PCDHA4: variants seen among roughly 807,000 people sequenced by gnomAD.
PCDHA4 encodes protocadherin alpha 4, also known as protocadherin alpha-4.
Under a neutral mutation model 61.4 loss-of-function variants are expected in PCDHA4, and 49 were observed. That is an observed-to-expected ratio of 0.80 (90% CI 0.63 to 1.01). The LOEUF is 1.01. Ranked by LOEUF, PCDHA4 falls within the 50% of genes least tolerant of loss-of-function variation. PCDHA4 has a pLI of 0.00. For missense variants in PCDHA4, 1,254 were observed against 1,235.8 expected (o/e 1.01, Z -0.22); for synonymous variants, 590 against 550.3 (o/e 1.07, Z -1.01).
intron 1 of PCDHA4, among the ~76,000 whole-genome samples, chr5:140,895,788 G>A (rs947578940): frequency 3.9e-5 from 6 of 152,014 alleles, no homozygotes; most frequent in East Asian, 1.9e-4. Context: ...ATTCAATGAC[G>A]TATATGTACA....
At chr5:140,944,642 T>C (rs535941591) in intron 1 of PCDHA4, among the ~76,000 whole-genome samples, 35 of 152,342 alleles carry the variant, frequency 2.3e-4, no homozygotes, top group African/African-American at 7.9e-4. Context: ...CCAGTGTGGA[T>C]TGGGAGTCCA....
intron 3 of PCDHA4, among the ~76,000 whole-genome samples, chr5:140,985,288 A>G (rs1007960248): frequency 1.3e-5 from 2 of 152,112 alleles, no homozygotes; most frequent in African/African-American, 4.8e-5. Flanking sequence ...AATCTATGAT[A>G]TAGTGTTGGC....
chr5:140,992,798 CAT>C (rs1554253202), intron 3 of PCDHA4, among the ~76,000 whole-genome samples: 1 of 152,076 alleles, frequency 6.6e-6, no homozygotes, highest in African/African-American at 2.4e-5. Context: ...TTTATGGATC[CAT>C]ATGTATCTAA....
At position 140,927,553 on chromosome 5, in the gene PCDHA4, A is replaced by G. The variant is rs782577411; in HGVS notation, c.2386-51396A>G. 1.3e-5 allele frequency: 21 copies of G among 1,614,030 alleles called. No homozygotes were observed. The highest frequency in any genetic ancestry group is 9.3e-5 in the African/African-American group (7 of 74,932). ...CCGCTCAGGAGACGCACAAGTCACC[A>G]TCATTGTGGTGGACACAAATGACAA... On this transcript the variant is annotated intron_variant, in intron 1 of 3. Coordinates refer to ENST00000530339, the MANE Select transcript of PCDHA4 (RefSeq NM_018907.4).
At chr5:140,999,755 A>G (rs932293037) in intron 3 of PCDHA4, among the ~76,000 whole-genome samples, 1 of 152,168 alleles carries the variant, frequency 6.6e-6, no homozygotes, top group South Asian at 2.1e-4. Context: ...TTCGCAGCAC[A>G]TGATGTCTTT....
At chr5:140,943,592 T>C (rs900549060) in intron 1 of PCDHA4, among the ~76,000 whole-genome samples, 2 of 152,152 alleles carry the variant, frequency 1.3e-5, no homozygotes, top group African/African-American at 2.4e-5. Flanking sequence ...TGGGGCTGAA[T>C]TCTAAATATA....
intron 3 of PCDHA4, 34 bp from the exon 4 acceptor site, chr5:141,009,593 C>T (rs1219056557): frequency 6.2e-7 from 1 of 1,601,902 alleles, no homozygotes; most frequent in Non-Finnish European, 8.5e-7. Context: ...CATGTGTTGA[C>T]CCTGTTAATG....
intron 1 of PCDHA4, among the ~76,000 whole-genome samples, chr5:140,925,696 A>G (rs2153579068): frequency 6.6e-6 from 1 of 150,926 alleles, no homozygotes; most frequent in African/African-American, 2.4e-5. Context: ...GTGGGTATCT[A>G]GCCTATTCTT....
intron 1 of PCDHA4, among the ~76,000 whole-genome samples, chr5:140,890,244 C>T (rs1404459938): frequency 6.6e-6 from 1 of 152,052 alleles, no homozygotes; most frequent in Non-Finnish European, 1.5e-5. Flanking sequence ...TTTACCAGTA[C>T]ACTACTGCAC....
At position 140,835,306 on chromosome 5, in the gene PCDHA4, T is replaced by G; in HGVS notation, c.2385+25734T>G. 1.9e-6 allele frequency: 3 copies of G among 1,612,964 alleles called. No individual in the cohort carries two copies. In the Middle Eastern group the frequency reaches 5.0e-4, roughly 267 times the overall value. ...GGGGCAATCACAGTGATAGGACATA[T>G]GGATTTTGAAGAAAGTAGAGCACAC... On this transcript the variant is annotated intron_variant, in intron 1 of 3. Transcript: ENST00000530339.
intron 1 of PCDHA4, among the ~76,000 whole-genome samples, chr5:140,891,360 G>T (rs2063061562): frequency 6.6e-6 from 1 of 151,060 alleles, no homozygotes; most frequent in Admixed American, 6.6e-5. Context: ...CATCACCTGA[G>T]CAGTATACAT....
chr5:140,891,427 C>T (rs1465861457), intron 1 of PCDHA4, among the ~76,000 whole-genome samples: 2 of 149,500 alleles, frequency 1.3e-5, no homozygotes, highest in African/African-American at 4.9e-5. Flanking sequence ...CCCCCAAGTC[C>T]CCAACGTCCA....
intron 1 of PCDHA4, chr5:140,928,385 T>G: frequency 6.2e-7 from 1 of 1,614,046 alleles, no homozygotes; most frequent in Middle Eastern, 1.7e-4. Flanking sequence ...TCTAGCTTGC[T>G]GGCAGTGGAA....
chr5:140,977,630 C>T (rs2096769145), intron 1 of PCDHA4, among the ~76,000 whole-genome samples: 1 of 152,148 alleles, frequency 6.6e-6, no homozygotes, highest in African/African-American at 2.4e-5. Flanking sequence ...AGAGTTGTAA[C>T]TTTTTCTGGG....
In PCDHA4 at chr5:140,916,964, T is replaced by C. The variant is rs139574694; in HGVS notation, c.2386-61985T>C. On this transcript the variant is annotated intron_variant, in intron 1 of 3. Transcript: ENST00000530339. The stretch of plus-strand genomic sequence containing the variant: ...GTGAGGCTTGCTGAGTTCTGACTGC[T>C]GGGATGAGTGATTCGCCTCTGGCCA... Among the ~76,000 whole-genome samples, 15 of 152,322 alleles carry C rather than the reference T, an allele frequency of 9.8e-5. No individual in the cohort carries two copies. In the East Asian group the frequency reaches 2.9e-3, roughly 29 times the overall value.
At chr5:140,912,292 C>A (rs527420621) in intron 1 of PCDHA4, among the ~76,000 whole-genome samples, 13 of 152,184 alleles carry the variant, frequency 8.5e-5, no homozygotes, top group Non-Finnish European at 1.8e-4. Context: ...CAATACTTTG[C>A]CTCCTGTAAT....
At chr5:140,823,206 T>C (rs1554129194) in intron 1 of PCDHA4, 13 of 1,613,806 alleles carry the variant, frequency 8.1e-6, no homozygotes, top group Non-Finnish European at 1.1e-5. Context: ...TCACGGTGTC[T>C]GCACGGGACG....
intron 1 of PCDHA4, among the ~76,000 whole-genome samples, chr5:140,963,141 A>T (rs2095739692): frequency 6.6e-6 from 1 of 152,148 alleles, no homozygotes; most frequent in Non-Finnish European, 1.5e-5. Flanking sequence ...AATTATTTGG[A>T]TGAATTTAAA....
At chr5:140,834,972 C>T (rs1275898995) in intron 1 of PCDHA4, 3 of 1,500,634 alleles carry the variant, frequency 2.0e-6, no homozygotes, top group East Asian at 4.8e-5. Context: ...ACTTGTATTA[C>T]GGAAACTTTT....
Sources: allele counts gnomAD v4.1 joint callset (sites outside exome capture counted in the v4.1 genomes callset), GRCh38; gene constraint gnomAD v4.1.1; transcripts MANE v1.5; gene names NCBI Gene and HGNC (gene_info 2026-07-23, HGNC 2026-07-21).